DLGAP4: variants seen among roughly 807,000 people sequenced by gnomAD.
DLGAP4 encodes the protein disks large-associated protein 4.
In DLGAP4, 18 loss-of-function variants were observed where a neutral mutation model predicts 86.9. The observed-to-expected ratio is 0.21, with a 90% CI of 0.14 to 0.31. The LOEUF (loss-of-function observed/expected upper bound fraction) is 0.31, where lower values mean the gene tolerates loss of function less well. DLGAP4 is among the 10% of genes least tolerant of loss of function. DLGAP4 has a pLI of 1.00. For missense variants in DLGAP4, 1,085 were observed against 1,362.6 expected (o/e 0.80, Z 3.21); for synonymous variants, 548 against 574.3 (o/e 0.95, Z 0.65).
chr20:36,370,641 A>AC lies in DLGAP4; in HGVS notation c.-73+3371dup, dbSNP rs564325132. On this transcript the variant is annotated intron_variant, in intron 2 of 12. Coordinates refer to ENST00000339266, the MANE Select transcript of DLGAP4 (RefSeq NM_001365621.2). ...AGACCAGCCTGGGCATCATAGCAAGACCCCCTTCTCCAAAAAAATTAAAAA... is the reference window on the plus strand; with the variant it reads ...AGACCAGCCTGGGCATCATAGCAAGACCCCCCTTCTCCAAAAAAATTAAAAA... Among the ~76,000 whole-genome samples the AC allele has an allele frequency of 4.2e-4, 64 of 150,944 alleles. No individual in the cohort carries two copies. The South Asian group carries it at 0.012, about 28-fold the overall frequency.
intron 5 of DLGAP4, among the ~76,000 whole-genome samples, chr20:36,440,547 C>T (rs959915264): frequency 6.6e-6 from 1 of 152,128 alleles, no homozygotes; most frequent in Non-Finnish European, 1.5e-5. Context: ...TAACCACCCC[C>T]AGAGGTGGCC....
In DLGAP4 at chr20:36,509,339, G is replaced by A. The variant is rs1158530586; in HGVS notation, c.2512+8728G>A. Among the ~76,000 whole-genome samples, 55 of 152,170 alleles carry A rather than the reference G, an allele frequency of 3.6e-4. 2 individuals carry two copies. ...TAATCCCAGCACTTTGGGAGGCCGA[G>A]GCGGGAGGATCACCTGAGATCAGGA... On this transcript the variant is annotated intron_variant, in intron 10 of 12. Coordinates refer to ENST00000339266, the MANE Select transcript of DLGAP4 (RefSeq NM_001365621.2).
At position 36,461,387 on chromosome 20, in the gene DLGAP4, C is replaced by A. The variant is rs1223517742; in HGVS notation, c.1648+14450C>A. ...CCCTGCCCGGCCCGGGAGTCCCTGACGACGCGCGCGCGGCTGACGCGGGGG... is the reference window on the plus strand; with the variant it reads ...CCCTGCCCGGCCCGGGAGTCCCTGAAGACGCGCGCGCGGCTGACGCGGGGG... On this transcript the variant is annotated intron_variant, in intron 7 of 12. Coordinates refer to ENST00000339266, the MANE Select transcript of DLGAP4 (RefSeq NM_001365621.2). 9 of 921,644 alleles carry A rather than the reference C, an allele frequency of 9.8e-6. No individual in the cohort carries two copies. The East Asian group carries it at 9.5e-4, about 97-fold the overall frequency. 57.1% of individuals were successfully genotyped at this position (921,644 alleles called of 1,614,324 possible).
At chr20:36,324,500 G>A (rs946157441) in intron 1 of DLGAP4, among the ~76,000 whole-genome samples, 1 of 152,138 alleles carries the variant, frequency 6.6e-6, no homozygotes, top group Non-Finnish European at 1.5e-5. Context: ...TTATTTTTTT[G>A]TGCCTGGTGT....
rs900115980 is a variant in DLGAP4, at chr20:36,496,738, C to T, written c.1682C>T (p.Pro561Leu). ...SSCLVAYKKT[P>L]PPVPPRTTSK... Reference sequence around the variant, plus strand: ...TGCCTAGTGGCGTATAAGAAGACCCCGCCACCGGTCCCTCCACGCACCACT... The same window carrying T: ...TGCCTAGTGGCGTATAAGAAGACCCTGCCACCGGTCCCTCCACGCACCACT... Residue 561 changes from proline to leucine, a missense_variant, in exon 8 of 13, where the codon CCG (proline) becomes CTG (leucine). By Grantham distance (98) the Pro-to-Leu change is moderately conservative. Coordinates refer to ENST00000339266, the MANE Select transcript of DLGAP4 (RefSeq NM_001365621.2). 8 of 1,608,256 alleles carry T rather than the reference C, an allele frequency of 5.0e-6. No homozygotes were observed. Among genetic ancestry groups the T allele is most frequent in the African/African-American group, 1.3e-5 (1 of 74,792 alleles).
intron 1 of DLGAP4, among the ~76,000 whole-genome samples, chr20:36,319,475 G>T (rs893076970): frequency 6.6e-6 from 1 of 152,118 alleles, no homozygotes; most frequent in Non-Finnish European, 1.5e-5. Flanking sequence ...CCTGACACCC[G>T]CACACCCCCC....
chr20:36,456,528 C>G (rs909265273), intron 7 of DLGAP4, among the ~76,000 whole-genome samples: 3 of 152,176 alleles, frequency 2.0e-5, no homozygotes, highest in Non-Finnish European at 4.4e-5. Context: ...ACCCAGGAGG[C>G]CTTCCCAGAA....
At chr20:36,379,161 C>T (rs985719317) in intron 2 of DLGAP4, among the ~76,000 whole-genome samples, 3 of 152,176 alleles carry the variant, frequency 2.0e-5, no homozygotes, top group African/African-American at 7.2e-5. Context: ...CAAGCACACA[C>T]TGGAGCTGGC....
Position 36,475,658 on chromosome 20 carries a change from C to T in DLGAP4, c.1649-21047C>T, listed in dbSNP as rs900873751. On this transcript the variant is annotated intron_variant, in intron 7 of 12. Coordinates refer to ENST00000339266, the MANE Select transcript of DLGAP4 (RefSeq NM_001365621.2). Reference sequence around the variant, plus strand: ...TGAATTTCAGTAAAGAGATTGTAGGCAGATTATTAACCAGCCCTTGCTCAC... The same window carrying T: ...TGAATTTCAGTAAAGAGATTGTAGGTAGATTATTAACCAGCCCTTGCTCAC... Among the ~76,000 whole-genome samples the T allele has an allele frequency of 1.1e-4, 17 of 152,120 alleles. 1 individual carries two copies. Among genetic ancestry groups the T allele is most frequent in the South Asian group, 2.1e-4 (1 of 4,820 alleles).
At chr20:36,448,791 G>A (rs896599137) in intron 7 of DLGAP4, among the ~76,000 whole-genome samples, 5 of 152,078 alleles carry the variant, frequency 3.3e-5, no homozygotes, top group African/African-American at 1.2e-4. Context: ...AAAATTACCC[G>A]GGTGTGGTGG....
In DLGAP4 at chr20:36,526,914, G is replaced by T. The variant is rs148173250; in HGVS notation, c.2862G>T (p.Gln954His). The change falls in exon 13 of 13, where the codon CAG becomes CAT. Residue 954 changes from glutamine (Q) to histidine (H), a missense_variant. Physicochemically the swap from Gln to His is conservative, Grantham distance 24 (BLOSUM62 0). Transcript: ENST00000339266. Reference protein sequence around the residue: ...KASDASDKQRQEARKRLLAAK... With the variant: ...KASDASDKQRHEARKRLLAAK... Reference sequence around the variant, plus strand: ...CAGACGCCAGCGACAAGCAGCGCCAGGAGGCCCGCAAGAGACTCCTGGCGG... The same window carrying T: ...CAGACGCCAGCGACAAGCAGCGCCATGAGGCCCGCAAGAGACTCCTGGCGG... 4 of 1,613,716 alleles carry T rather than the reference G, an allele frequency of 2.5e-6. No homozygotes were observed. The highest frequency in any genetic ancestry group is 3.4e-6 in the Non-Finnish European group (4 of 1,179,914).
intron 2 of DLGAP4, among the ~76,000 whole-genome samples, chr20:36,367,594 C>T (rs558484955): frequency 5.9e-5 from 9 of 152,272 alleles, no homozygotes; most frequent in South Asian, 2.1e-4. Context: ...CCCAAGCAGG[C>T]GGGGACAGGT....
At chr20:36,452,605 G>T (rs528049454) in intron 7 of DLGAP4, among the ~76,000 whole-genome samples, 3 of 150,896 alleles carry the variant, frequency 2.0e-5, no homozygotes, top group African/African-American at 7.3e-5. Context: ...CACTTCCTGA[G>T]TTCAAGCCAT....
chr20:36,459,068 G>C (rs1004240510), intron 7 of DLGAP4, among the ~76,000 whole-genome samples: 2 of 152,234 alleles, frequency 1.3e-5, no homozygotes, highest in African/African-American at 4.8e-5. Flanking sequence ...TCACCCCCCG[G>C]ATGGGGAGCC....
intron 10 of DLGAP4, among the ~76,000 whole-genome samples, chr20:36,508,633 G>A (rs138026029): frequency 6.6e-6 from 1 of 152,186 alleles, no homozygotes; most frequent in African/African-American, 2.4e-5. Context: ...TCTCCATATT[G>A]GTCAGGCTGG....
intron 1 of DLGAP4, among the ~76,000 whole-genome samples, chr20:36,321,099 G>T (rs536813534): frequency 9.9e-5 from 15 of 152,134 alleles, no homozygotes; most frequent in Admixed American, 3.3e-4. Context: ...GCAGGTACCC[G>T]CATGGCAGCA....
At chr20:36,435,505 T>A (rs1312878408) in intron 3 of DLGAP4, among the ~76,000 whole-genome samples, 1 of 152,228 alleles carries the variant, frequency 6.6e-6, no homozygotes, top group African/African-American at 2.4e-5. Context: ...GTCCCTGAAG[T>A]TCAGATGGGA....
At chr20:36,483,485 T>A (rs535441966) in intron 7 of DLGAP4, among the ~76,000 whole-genome samples, 1 of 152,266 alleles carries the variant, frequency 6.6e-6, no homozygotes, top group Non-Finnish European at 1.5e-5. Flanking sequence ...GGTCCTTTTT[T>A]ATGTGTACTA....
intron 1 of DLGAP4, among the ~76,000 whole-genome samples, chr20:36,354,713 GC>G (rs2147393822): frequency 1.3e-5 from 2 of 152,248 alleles, no homozygotes; most frequent in South Asian, 4.2e-4. Context: ...AGTCACTTGA[GC>G]CTAAGAGTTT....
Sources: allele counts gnomAD v4.1 joint callset (sites outside exome capture counted in the v4.1 genomes callset), GRCh38; gene constraint gnomAD v4.1.1; transcripts MANE v1.5; gene names NCBI Gene and HGNC (gene_info 2026-07-23, HGNC 2026-07-21).